The following TMPRSS11D variants were observed in gnomAD, a reference collection of about 807,000 sequenced individuals.
The protein encoded by TMPRSS11D is transmembrane protease serine 11D.
TMPRSS11D carries 32 observed loss-of-function variants against 44.4 expected under a neutral mutation model. The observed-to-expected ratio is 0.72, with a 90% confidence interval of 0.54 to 0.97. The LOEUF (loss-of-function observed/expected upper bound fraction) is 0.97, where lower values mean the gene tolerates loss of function less well. Among genes scored for constraint, TMPRSS11D ranks in the 50% least tolerant of loss-of-function variants. The probability of loss-of-function intolerance (pLI) is 0.00; values close to 1 mark genes in which losing one functional copy is unlikely to be tolerated. For missense variants in TMPRSS11D, 446 were observed against 502.6 expected (o/e 0.89, Z 1.08); for synonymous variants, 179 against 177.9 (o/e 1.01, Z -0.05).
chr4:67,881,536 G>A (rs1433378808), intron 1 of TMPRSS11D, among the ~76,000 whole-genome samples: 2 of 152,142 alleles, frequency 1.3e-5, no homozygotes, highest in African/African-American at 4.8e-5. Context: ...ACAAATTGGT[G>A]TCCACCTGCC....
chr4:67,870,621 T>C, intron 1 of TMPRSS11D, among the ~76,000 whole-genome samples: 1 of 152,144 alleles, frequency 6.6e-6, no homozygotes, highest in East Asian at 1.9e-4. Context: ...GAGACCATCC[T>C]GGCTAACATG....
chr4:67,855,734 T>C (rs1718620938), intron 2 of TMPRSS11D, among the ~76,000 whole-genome samples: 1 of 152,062 alleles, frequency 6.6e-6, no homozygotes, highest in South Asian at 2.1e-4. Flanking sequence ...TGCATTCAAA[T>C]TGGAAAAGAA....
In TMPRSS11D at chr4:67,872,966, G is replaced by A. The variant is rs143955128; in HGVS notation, c.8+10960C>T. Among the ~76,000 whole-genome samples, 895 of 152,136 alleles carry A rather than the reference G, an allele frequency of 5.9e-3. 12 individuals carry two copies. The highest frequency in any genetic ancestry group is 0.02 in the African/African-American group (841 of 41,494). ...GCATTTTTGTTTTGTTTTGTTTTCT[G>A]GGTGGAATTACAAGTAGTGCATTGG... On this transcript the variant is annotated intron_variant, in intron 1 of 9. Transcript: ENST00000283916.
intron 9 of TMPRSS11D, among the ~76,000 whole-genome samples, chr4:67,823,608 T>C (rs1023802603): frequency 6.6e-6 from 1 of 152,148 alleles, no homozygotes; most frequent in African/African-American, 2.4e-5. Context: ...CCAAGTGTGC[T>C]TCTAAGTTAG....
chr4:67,853,783 CTTAA>C (rs1385101053), intron 3 of TMPRSS11D, among the ~76,000 whole-genome samples: 8 of 152,102 alleles, frequency 5.3e-5, no homozygotes, highest in Admixed American at 5.2e-4. Flanking sequence ...AATGTCAATG[CTTAA>C]TTAAACAAAT....
At chr4:67,832,005 A>G (rs1318894889) in intron 7 of TMPRSS11D, among the ~76,000 whole-genome samples, 1 of 152,168 alleles carries the variant, frequency 6.6e-6, no homozygotes, top group African/African-American at 2.4e-5. Context: ...ATCTGAAAAA[A>G]CTACTTAGAA....
intron 5 of TMPRSS11D, 59 bp downstream of exon 5, chr4:67,838,113 G>T: frequency 2.3e-6 from 3 of 1,327,722 alleles, no homozygotes; most frequent in South Asian, 1.9e-5. Context: ...ATATGAATTT[G>T]AATTGGTAAA....
chr4:67,881,482 A>G (rs181077480), intron 1 of TMPRSS11D, among the ~76,000 whole-genome samples: 1 of 152,316 alleles, frequency 6.6e-6, no homozygotes, highest in Non-Finnish European at 1.5e-5. Context: ...ATAGGCAACA[A>G]CTTGTACTAG....
chr4:67,842,786 A>C (rs1718263158), intron 3 of TMPRSS11D, among the ~76,000 whole-genome samples, 161 bp from the exon 4 acceptor site: 1 of 152,228 alleles, frequency 6.6e-6, no homozygotes, highest in Non-Finnish European at 1.5e-5. Context: ...TGATTTGGGC[A>C]GGTTCTATAA....
chr4:67,846,368 G>GT (rs1159259955), intron 3 of TMPRSS11D, among the ~76,000 whole-genome samples: 38 of 151,568 alleles, frequency 2.5e-4, no homozygotes, highest in African/African-American at 3.9e-4. Flanking sequence ...ATAAACACAG[G>GT]TTTTTTTTGT....
At chr4:67,822,527 T>G (rs1717673381) in intron 9 of TMPRSS11D, 29 bp from the exon 10 acceptor site, 11 of 1,612,926 alleles carry the variant, frequency 6.8e-6, no homozygotes, top group African/African-American at 1.3e-5. Context: ...ACTGATTACT[T>G]AAGTGCAAAG....
chr4:67,831,434 G>T (rs1439477785), intron 7 of TMPRSS11D, among the ~76,000 whole-genome samples: 1 of 152,074 alleles, frequency 6.6e-6, no homozygotes, highest in Non-Finnish European at 1.5e-5. Flanking sequence ...AGAAGGATGT[G>T]GGGTGGCAAA....
chr4:67,878,848 C>G (rs1418495344), intron 1 of TMPRSS11D, among the ~76,000 whole-genome samples: 1 of 152,104 alleles, frequency 6.6e-6, no homozygotes, highest in African/African-American at 2.4e-5. Context: ...ATCACTTGAA[C>G]CCAGGAGGCA....
At chr4:67,831,976 C>CATG (rs1032397166) in intron 7 of TMPRSS11D, among the ~76,000 whole-genome samples, 9 of 151,850 alleles carry the variant, frequency 5.9e-5, no homozygotes, top group Admixed American at 4.6e-4. Context: ...GTCACTGTAC[C>CATG]ATGAAGTAGT....
chr4:67,833,599 T>C (rs1449704612), intron 6 of TMPRSS11D: 2 of 392,066 alleles, frequency 5.1e-6, no homozygotes, highest in South Asian at 1.2e-4. Flanking sequence ...CTGAATTTAG[T>C]TGGCATATAG....
At chr4:67,842,331 C>G (rs560048820) in intron 4 of TMPRSS11D, among the ~76,000 whole-genome samples, 1 of 152,286 alleles carries the variant, frequency 6.6e-6, no homozygotes, top group African/African-American at 2.4e-5. Context: ...TCCACCCCTT[C>G]TTCCTCTTCC....
chr4:67,833,245 G>T lies in TMPRSS11D; in HGVS notation c.651C>A (p.Ile217=). The T allele has an allele frequency of 1.9e-6, 3 of 1,567,860 alleles. No individual in the cohort carries two copies. Among genetic ancestry groups the T allele is most frequent in the Non-Finnish European group, 2.6e-6 (3 of 1,158,824 alleles). The change falls in exon 7 of 10, where the codon ATC becomes ATA. Residue 217 remains isoleucine, a synonymous_variant. Coordinates refer to ENST00000283916, the MANE Select transcript of TMPRSS11D (RefSeq NM_004262.3). ...CTGCTGTCAGGATCCACATGTTATT[G>T]ATCAGGCTGCCTCCACAGTGGTGGG... The part of the protein sequence containing the change: ...NNAHHCGGSL[I]NNMWILTAAH...
At chr4:67,831,986 T>C (rs1717956956) in intron 7 of TMPRSS11D, among the ~76,000 whole-genome samples, 1 of 152,178 alleles carries the variant, frequency 6.6e-6, no homozygotes, top group East Asian at 1.9e-4. Flanking sequence ...CATGAAGTAG[T>C]GCCTATAAAT....
chr4:67,847,267 G>A (rs1718382407), intron 3 of TMPRSS11D, among the ~76,000 whole-genome samples: 1 of 152,088 alleles, frequency 6.6e-6, no homozygotes, highest in Admixed American at 6.6e-5. Flanking sequence ...TATGTGTCTA[G>A]TATGTATTAA....
Sources: allele counts gnomAD v4.1 joint callset (sites outside exome capture counted in the v4.1 genomes callset), GRCh38; gene constraint gnomAD v4.1.1; transcripts MANE v1.5; gene names NCBI Gene and HGNC (gene_info 2026-07-23, HGNC 2026-07-21).